The following PLXDC2 variants were observed in gnomAD, a reference collection of about 807,000 sequenced individuals.
PLXDC2 encodes plexin domain containing 2, also known as plexin domain-containing protein 2.
In PLXDC2, 40 loss-of-function variants were observed where a neutral mutation model predicts 68.9. The ratio of observed to expected loss-of-function variants is 0.58; its 90% confidence interval spans 0.45 to 0.76. PLXDC2 has a LOEUF of 0.76. PLXDC2 is among the 30% of genes least tolerant of loss of function. The pLI, the probability that PLXDC2 is intolerant of heterozygous loss-of-function variation, is 0.00. For missense variants in PLXDC2, 644 were observed against 661.9 expected, an observed-to-expected ratio of 0.97 and a Z score of 0.30; for synonymous variants, 243 against 234.2, an observed-to-expected ratio of 1.04 and a Z score of -0.34.
chr10:20,258,156 C>T (rs1835766610), intron 13 of PLXDC2, among the ~76,000 whole-genome samples: 1 of 151,938 alleles, frequency 6.6e-6, no homozygotes, highest in Non-Finnish European at 1.5e-5. Flanking sequence ...CCTCTGCCAC[C>T]ATTCCCAGCT....
intron 13 of PLXDC2, among the ~76,000 whole-genome samples, chr10:20,262,089 G>T (rs1835815149): frequency 6.6e-6 from 1 of 152,080 alleles, no homozygotes; most frequent in African/African-American, 2.4e-5. Context: ...GACCCACAGA[G>T]AATGAAGAAA....
intron 1 of PLXDC2, among the ~76,000 whole-genome samples, chr10:19,898,718 G>A (rs1838106724): frequency 6.6e-6 from 1 of 152,174 alleles, no homozygotes; most frequent in Non-Finnish European, 1.5e-5. Context: ...AATTGGAATT[G>A]TCAAAATCCA....
chr10:20,043,407 A>G (rs549098646), intron 2 of PLXDC2: 1 of 152,280 alleles, frequency 6.6e-6, no homozygotes, highest in Admixed American at 6.5e-5. Context: ...TAAATCGTGT[A>G]TATTTTTGCA....
intron 4 of PLXDC2, among the ~76,000 whole-genome samples, chr10:20,089,182 G>T: frequency 1.1e-5 from 1 of 88,778 alleles, no homozygotes; most frequent in South Asian, 3.2e-4. Context: ...GTGTGTGTGT[G>T]TGTGTGTGTG....
intron 3 of PLXDC2, among the ~76,000 whole-genome samples, chr10:20,064,158 A>T (rs1411492498): frequency 3.3e-5 from 5 of 151,306 alleles, no homozygotes; most frequent in Non-Finnish European, 7.4e-5. Context: ...TAAAGGATGA[A>T]ATCCAAGAGC....
At chr10:20,263,215 C>A (rs1265115492) in intron 13 of PLXDC2, among the ~76,000 whole-genome samples, 1 of 152,148 alleles carries the variant, frequency 6.6e-6, no homozygotes, top group East Asian at 1.9e-4. Flanking sequence ...ACATCTACGA[C>A]CATCATTTCT....
In PLXDC2 at chr10:20,278,910, T is replaced by C. The variant is rs144081355; in HGVS notation, c.1474-793T>C. 6.6e-4 allele frequency among the ~76,000 whole-genome samples: 101 copies of C among 152,344 alleles called. 1 individual carries two copies. Among genetic ancestry groups the C allele is most frequent in the African/African-American group, 2.2e-3 (93 of 41,582 alleles). On this transcript the variant is annotated intron_variant, in intron 13 of 13. Transcript: ENST00000377252. ...GAAATGCATTTTAGTGTCTTTTGCT[T>C]TGATAACCCAGTAATTCATTTCAGT...
chr10:19,958,065 CTTG>C (rs1046575756), intron 1 of PLXDC2, among the ~76,000 whole-genome samples: 4 of 151,920 alleles, frequency 2.6e-5, no homozygotes, highest in Admixed American at 6.6e-5. Context: ...ACAAGTTTAA[CTTG>C]TTGTTCATTG....
intron 1 of PLXDC2, among the ~76,000 whole-genome samples, chr10:19,993,754 G>T (rs984589947): frequency 1.3e-5 from 2 of 152,110 alleles, no homozygotes; most frequent in African/African-American, 4.8e-5. Context: ...CTGTTTAATT[G>T]GATTTTCCCG....
chr10:19,910,591 CTTT>C (rs1006322581), intron 1 of PLXDC2, among the ~76,000 whole-genome samples: 1 of 92,550 alleles, frequency 1.1e-5, no homozygotes, highest in Non-Finnish European at 2.1e-5. Flanking sequence ...TAAGTGGTTG[CTTT>C]TTTTTTTTTT....
chr10:19,846,837 T>G (rs1837018122), intron 1 of PLXDC2, among the ~76,000 whole-genome samples: 1 of 152,112 alleles, frequency 6.6e-6, no homozygotes, highest in Non-Finnish European at 1.5e-5. Flanking sequence ...CACCAGAGAC[T>G]GGGTAATTTA....
At chr10:20,274,433 A>G (rs1044991963) in intron 13 of PLXDC2, among the ~76,000 whole-genome samples, 2 of 152,112 alleles carry the variant, frequency 1.3e-5, no homozygotes, top group African/African-American at 2.4e-5. Context: ...TGAACCGACT[A>G]TGGTTATAAC....
chr10:20,183,373 A>G (rs962242912), intron 9 of PLXDC2, among the ~76,000 whole-genome samples: 3 of 151,944 alleles, frequency 2.0e-5, no homozygotes, highest in African/African-American at 7.2e-5. Flanking sequence ...TATGATGCTA[A>G]TTTTTCATTA....
intron 2 of PLXDC2, among the ~76,000 whole-genome samples, chr10:20,039,954 T>TA (rs1220976675): frequency 1.5e-4 from 23 of 152,150 alleles, no homozygotes; most frequent in African/African-American, 5.5e-4. Context: ...TGCTGAGAAA[T>TA]AAAAATAAAA....
chr10:20,013,377 A>C (rs1835149784), intron 2 of PLXDC2, among the ~76,000 whole-genome samples: 1 of 152,226 alleles, frequency 6.6e-6, no homozygotes, highest in Non-Finnish European at 1.5e-5. Context: ...GGTACTTCCA[A>C]AACTGAAGAT....
chr10:20,251,935 A>G (rs1242801964), intron 13 of PLXDC2, among the ~76,000 whole-genome samples: 1 of 146,056 alleles, frequency 6.8e-6, no homozygotes. Flanking sequence ...TGAGTAAAAT[A>G]TTGGAGGGTT....
At chr10:20,180,237 T>C (rs1204779180) in intron 9 of PLXDC2, among the ~76,000 whole-genome samples, 1 of 152,042 alleles carries the variant, frequency 6.6e-6, no homozygotes, top group African/African-American at 2.4e-5. Flanking sequence ...TAAAAAAAAC[T>C]ACAAGTTTTC....
intron 1 of PLXDC2, among the ~76,000 whole-genome samples, chr10:19,872,046 G>A (rs1385802653): frequency 6.6e-6 from 1 of 152,100 alleles, no homozygotes; most frequent in Admixed American, 6.5e-5. Flanking sequence ...AGTCATTATT[G>A]AATGAATGAA....
rs1589678471 is a variant in PLXDC2 at position 20,202,061 on chromosome 10, A to G, written c.1062-9608A>G. Reference sequence around the variant, plus strand: ...TTAGAGTTCGAATTATTTATTGGACAATATTTTTCAAATTGTGTGCGGCAG... The same window carrying G: ...TTAGAGTTCGAATTATTTATTGGACGATATTTTTCAAATTGTGTGCGGCAG... On this transcript the variant is annotated intron_variant, in intron 9 of 13. Transcript: ENST00000377252. Among the ~76,000 whole-genome samples the G allele has an allele frequency of 3.9e-5, 6 of 152,290 alleles. No individual in the cohort carries two copies. The Middle Eastern group carries it at 0.014, about 345-fold the overall frequency.
Sources: allele counts gnomAD v4.1 joint callset (sites outside exome capture counted in the v4.1 genomes callset), GRCh38; gene constraint gnomAD v4.1.1; transcripts MANE v1.5; gene names NCBI Gene and HGNC (gene_info 2026-07-23, HGNC 2026-07-21).